The following ARHGAP21 variants were observed in gnomAD, a reference collection of about 807,000 sequenced individuals.
The protein encoded by ARHGAP21 is Rho GTPase activating protein 21.
In ARHGAP21, 38 loss-of-function variants were observed where a neutral mutation model predicts 164.6. The observed-to-expected ratio is 0.23, with a 90% CI of 0.18 to 0.30. ARHGAP21 has a LOEUF of 0.30. ARHGAP21 is among the 10% of genes least tolerant of loss of function. ARHGAP21 has a pLI of 1.00. For synonymous variants in ARHGAP21, 766 were observed against 857.9 expected (o/e 0.89, Z 1.87); for missense variants, 1,822 against 2,370.7 (o/e 0.77, Z 4.81).
chr10:24,694,833 C>CCTGA (rs932124535), intron 2 of ARHGAP21, among the ~76,000 whole-genome samples: 35 of 152,206 alleles, frequency 2.3e-4, no homozygotes, highest in South Asian at 4.1e-4. Flanking sequence ...AGACAGATCA[C>CCTGA]CTGAGCTCAG....
chr10:24,639,400 A>T (rs936955616), intron 4 of ARHGAP21, among the ~76,000 whole-genome samples: 2 of 152,172 alleles, frequency 1.3e-5, no homozygotes, highest in African/African-American at 4.8e-5. Context: ...GTGAGGATTT[A>T]AAAAAGATAA....
At chr10:24,659,635 A>G (rs1839467801) in intron 4 of ARHGAP21, among the ~76,000 whole-genome samples, 1 of 152,184 alleles carries the variant, frequency 6.6e-6, no homozygotes, top group South Asian at 2.1e-4. Flanking sequence ...TTTCTTACGT[A>G]TTTTCAAGAA....
Position 24,607,881 on chromosome 10 carries a change from A to G in ARHGAP21, c.2445T>C (p.Ile815=). 6.2e-7 allele frequency: 1 copy of G among 1,612,574 alleles called. No homozygotes were observed. Among genetic ancestry groups the G allele is most frequent in the South Asian group, 1.1e-5 (1 of 90,760 alleles). The change falls in exon 10 of 26, where the codon ATT becomes ATC. Residue 815 remains isoleucine (I), a synonymous_variant. Coordinates refer to ENST00000396432, the MANE Select transcript of ARHGAP21 (RefSeq NM_020824.4). ...PFIDEPTSPS[I]DHDIAHIPAS... ...CAGGGATATGTGCAATATCATGATC[A>G]ATGCTAGGGCTAGTTGGTTCATCTG...
chr10:24,716,471 C>CT (rs1490738670), intron 2 of ARHGAP21, among the ~76,000 whole-genome samples: 1 of 152,166 alleles, frequency 6.6e-6, no homozygotes, highest in Non-Finnish European at 1.5e-5. Flanking sequence ...TGGGAAGGCT[C>CT]TGGGGACTCC....
intron 22 of ARHGAP21, 22 bp from the exon 23 acceptor site, chr10:24,591,705 A>T (rs1302063214): frequency 6.2e-7 from 1 of 1,613,402 alleles, no homozygotes; most frequent in South Asian, 1.1e-5. Context: ...AAAAGGTGAG[A>T]AGAGAAATTA....
intron 4 of ARHGAP21, among the ~76,000 whole-genome samples, chr10:24,642,211 T>A (rs527438360): frequency 2.0e-4 from 31 of 152,130 alleles, no homozygotes; most frequent in Admixed American, 1.9e-3. Flanking sequence ...CACTAACAGA[T>A]AAGAACTGTA....
intron 2 of ARHGAP21, among the ~76,000 whole-genome samples, chr10:24,684,989 T>G (rs528624004): frequency 6.6e-6 from 1 of 152,344 alleles, no homozygotes; most frequent in African/African-American, 2.4e-5. Context: ...TATAATCATT[T>G]AAATCTGCTT....
intron 25 of ARHGAP21, among the ~76,000 whole-genome samples, chr10:24,588,893 A>C (rs2076216318): frequency 6.6e-6 from 1 of 152,198 alleles, no homozygotes; most frequent in Admixed American, 6.5e-5. Flanking sequence ...GAGGGAGGGA[A>C]GCAGGTGGCG....
At position 24,584,212 on chromosome 10, in the gene ARHGAP21, A is replaced by G; in HGVS notation, c.*200T>C. 1 of 197,292 alleles carries G rather than the reference A, an allele frequency of 5.1e-6. No homozygotes were observed. The highest frequency in any genetic ancestry group is 7.5e-6 in the Non-Finnish European group (1 of 132,774). 12.2% of individuals were successfully genotyped at this position (197,292 alleles called of 1,614,324 possible). On this transcript the variant is annotated 3_prime_UTR_variant, in exon 26 of 26. Transcript: ENST00000396432. The stretch of plus-strand genomic sequence containing the variant: ...GCTCATTTGTATACAACTATCCGAT[A>G]TATTTTTAAATATATATATATATAT...
chr10:24,589,378 G>GAA, intron 24 of ARHGAP21, 76 bp from the exon 25 acceptor site: 1 of 1,338,898 alleles, frequency 7.5e-7, no homozygotes, highest in Non-Finnish European at 1.1e-6. Context: ...AAAACTTATG[G>GAA]AAAGACAGGC....
intron 25 of ARHGAP21, among the ~76,000 whole-genome samples, chr10:24,587,802 A>G (rs2076167714): frequency 1.3e-5 from 2 of 152,154 alleles, no homozygotes; most frequent in Non-Finnish European, 1.5e-5. Context: ...TTACAATTCT[A>G]TGATCATATA....
In ARHGAP21 at chr10:24,589,273, T is replaced by G; in HGVS notation, c.4180A>C (p.Lys1394Gln). Residue 1394 changes from lysine (K) to glutamine (Q), a missense_variant and splice_region_variant, in exon 25 of 26, where the codon AAG becomes CAG. Physicochemically the swap from Lys to Gln is moderately conservative, Grantham distance 53 (BLOSUM62 1). Coordinates refer to ENST00000396432, the MANE Select transcript of ARHGAP21 (RefSeq NM_020824.4). ...DSATSDSTKS[K>Q]GSWGSGKDQY... ...TCAAATTGTATGAAACAATTTACCT[T>G]AGATTTTGTTGAGTCACTAGTAGCT... The G allele has an allele frequency of 6.2e-7, 1 of 1,607,518 alleles. No individual in the cohort carries two copies. Among genetic ancestry groups the G allele is most frequent in the Non-Finnish European group, 8.5e-7 (1 of 1,175,336 alleles).
intron 2 of ARHGAP21, among the ~76,000 whole-genome samples, chr10:24,708,033 T>C (rs1278828871): frequency 6.6e-6 from 1 of 152,198 alleles, no homozygotes; most frequent in Non-Finnish European, 1.5e-5. Flanking sequence ...GAATATAAAC[T>C]ACAGTTAAGT....
At chr10:24,633,212 C>T (rs905392683) in intron 6 of ARHGAP21, among the ~76,000 whole-genome samples, 190 bp downstream of exon 6, 2 of 152,152 alleles carry the variant, frequency 1.3e-5, no homozygotes, top group African/African-American at 4.8e-5. Flanking sequence ...ATCTGTCAAA[C>T]CAAAGCCACC....
intron 19 of ARHGAP21, 34 bp downstream of exon 19, chr10:24,595,683 T>C: frequency 6.3e-7 from 1 of 1,577,334 alleles, no homozygotes; most frequent in South Asian, 1.1e-5. Flanking sequence ...ACTTGAACCA[T>C]TTCATCTGGT....
At chr10:24,587,690 T>C (rs72784273) in intron 25 of ARHGAP21, among the ~76,000 whole-genome samples, 29,336 of 152,228 alleles carry the variant, frequency 0.19, 3,124 homozygotes, top group Middle Eastern at 0.36. Context: ...CCATCCTCTC[T>C]AGCTTGCTGG....
rs867367857 is a variant in ARHGAP21, at chr10:24,721,862, T to C, written c.38A>G (p.Asp13Gly). 9.9e-6 allele frequency: 16 copies of C among 1,614,094 alleles called. No individual in the cohort carries two copies. The highest frequency in any genetic ancestry group is 1.6e-4 in the Middle Eastern group (1 of 6,084). ...ATRRTGLSEG[D>G]GDKLKACEVS... ...CTCGCAGGCCTTGAGCTTGTCACCA[T>C]CTCCCTCAGACAGACCAGTCCGACG... Residue 13 changes from aspartate (D) to glycine (G), a missense_variant, in exon 2 of 26, where the codon GAT becomes GGT. Coordinates refer to ENST00000396432, the MANE Select transcript of ARHGAP21 (RefSeq NM_020824.4).
Position 24,584,909 on chromosome 10 carries a change from T to C in ARHGAP21, c.5380A>G (p.Lys1794Glu), listed in dbSNP as rs773655776. The C allele has an allele frequency of 2.5e-6, 4 of 1,613,922 alleles. No homozygotes were observed. The highest frequency in any genetic ancestry group is 2.2e-5 in the East Asian group (1 of 44,874). ...TGTCTGCGCCGGATGCTTTTCCTTT[T>C]AGCAGTCTCGGCATTCACTTTGTGA... ...GNHKVNAETA[K>E]RKSIRRRHTL... is the part of the protein sequence containing the mutation. Residue 1794 changes from lysine to glutamate, a missense_variant, in exon 26 of 26, where the codon AAA becomes GAA. By Grantham distance (56) the Lys-to-Glu change is moderately conservative. Around this residue, in one of 5 missense-constraint regions of ARHGAP21, gnomAD observed 117 missense variants for 193.2 expected, o/e 0.61. Transcript: ENST00000396432.
intron 11 of ARHGAP21, among the ~76,000 whole-genome samples, chr10:24,606,231 T>C (rs889127903): frequency 6.6e-6 from 1 of 152,092 alleles, no homozygotes; most frequent in Non-Finnish European, 1.5e-5. Context: ...ACAGAAAAAA[T>C]TTTAAATATT....
Sources: allele counts gnomAD v4.1 joint callset (sites outside exome capture counted in the v4.1 genomes callset), GRCh38; gene constraint gnomAD v4.1.1; regional missense constraint gnomAD v4.1.1; transcripts MANE v1.5; gene names NCBI Gene and HGNC (gene_info 2026-07-23, HGNC 2026-07-21).